The following NFIA variants were observed in gnomAD, a reference collection of about 807,000 sequenced individuals.
The protein encoded by NFIA is nuclear factor I A.
In NFIA, 8 loss-of-function variants were observed where a neutral mutation model predicts 62.8. The ratio of observed to expected loss-of-function variants is 0.13; its 90% confidence interval spans 0.07 to 0.23. The LOEUF (loss-of-function observed/expected upper bound fraction) is 0.23. NFIA is among the 10% of genes least tolerant of loss of function. The pLI is 1.00. For missense variants in NFIA, 410 were observed against 642.1 expected, an observed-to-expected ratio of 0.64 and a Z score of 3.91; for synonymous variants, 235 against 238.1, an observed-to-expected ratio of 0.99 and a Z score of 0.12.
At chr1:61,175,396 C>T (rs1211297966) in intron 2 of NFIA, among the ~76,000 whole-genome samples, 2 of 152,206 alleles carry the variant, frequency 1.3e-5, no homozygotes, top group African/African-American at 2.4e-5. Flanking sequence ...CCTGCCTTGG[C>T]TTCCCAAAGT....
At chr1:61,143,660 G>A (rs1647708763) in intron 2 of NFIA, among the ~76,000 whole-genome samples, 1 of 152,172 alleles carries the variant, frequency 6.6e-6, no homozygotes, top group African/African-American at 2.4e-5. Context: ...CAAAGTGCTA[G>A]GATTACAGGC....
At chr1:61,151,193 A>G (rs1265235057) in intron 2 of NFIA, among the ~76,000 whole-genome samples, 1 of 151,926 alleles carries the variant, frequency 6.6e-6, no homozygotes, top group Non-Finnish European at 1.5e-5. Flanking sequence ...GACATTTTGC[A>G]GTTTTTGTTG....
chr1:61,145,151 C>G, intron 2 of NFIA, among the ~76,000 whole-genome samples: 1 of 152,144 alleles, frequency 6.6e-6, no homozygotes, highest in East Asian at 1.9e-4. Flanking sequence ...CAGACCTCCA[C>G]CTATTTTGTG....
chr1:61,317,078 AAATT>A (rs1454949024), intron 3 of NFIA, among the ~76,000 whole-genome samples: 2 of 152,186 alleles, frequency 1.3e-5, no homozygotes, highest in Non-Finnish European at 2.9e-5. Context: ...TCAGATTTCT[AAATT>A]AAATAAATTA....
chr1:61,310,131 TAATC>T (rs1189749414), intron 3 of NFIA, among the ~76,000 whole-genome samples: 2 of 152,084 alleles, frequency 1.3e-5, no homozygotes, highest in East Asian at 3.9e-4. Flanking sequence ...GGTGAAATGT[TAATC>T]AATTCAATGT....
intron 6 of NFIA, among the ~76,000 whole-genome samples, chr1:61,365,730 A>C (rs1388732502): frequency 6.6e-6 from 1 of 152,218 alleles, no homozygotes; most frequent in Non-Finnish European, 1.5e-5. Flanking sequence ...AATTTCCTCA[A>C]GTGTCAGTCA....
chr1:61,167,238 A>G (rs1056512638), intron 2 of NFIA, among the ~76,000 whole-genome samples: 5 of 152,158 alleles, frequency 3.3e-5, no homozygotes, highest in African/African-American at 1.2e-4. Context: ...CAATATCTCA[A>G]TCTGTATGGC....
At chr1:61,309,619 A>G (rs971327387) in intron 3 of NFIA, among the ~76,000 whole-genome samples, 1 of 152,210 alleles carries the variant, frequency 6.6e-6, no homozygotes, top group African/African-American at 2.4e-5. Context: ...GGCCGGGCGC[A>G]GTGGCTAACG....
At chr1:61,325,328 T>G (rs1660875889) in intron 3 of NFIA, among the ~76,000 whole-genome samples, 1 of 152,246 alleles carries the variant, frequency 6.6e-6, no homozygotes, top group African/African-American at 2.4e-5. Flanking sequence ...CTGCAAGTCA[T>G]TTTTAAGATT....
At chr1:61,382,867 T>C (rs979925849) in intron 6 of NFIA, among the ~76,000 whole-genome samples, 1 of 152,126 alleles carries the variant, frequency 6.6e-6, no homozygotes, top group East Asian at 1.9e-4. Context: ...GATGAAACGA[T>C]TGCATGTGAA....
intron 6 of NFIA, among the ~76,000 whole-genome samples, chr1:61,375,871 A>AC (rs1219321176): frequency 6.6e-6 from 1 of 152,094 alleles, no homozygotes; most frequent in Non-Finnish European, 1.5e-5. Flanking sequence ...AGTTGACTAC[A>AC]CCATTTCCCC....
intron 6 of NFIA, among the ~76,000 whole-genome samples, chr1:61,363,622 A>G (rs1663423371): frequency 6.6e-6 from 1 of 150,998 alleles, no homozygotes. Flanking sequence ...AAAAATTATA[A>G]TAAGAAACAA....
At chr1:61,275,454 A>C (rs72911909) in intron 2 of NFIA, among the ~76,000 whole-genome samples, 1,976 of 152,314 alleles carry the variant, frequency 0.013, 44 homozygotes, top group African/African-American at 0.045. Context: ...TAAATATCGG[A>C]AAAGTAATTG....
chr1:61,083,512 A>G (rs1228498963), intron 1 of NFIA, among the ~76,000 whole-genome samples: 1 of 151,990 alleles, frequency 6.6e-6, no homozygotes, highest in Non-Finnish European at 1.5e-5. Context: ...GGCTGCGGCT[A>G]GCCCTCGGCT....
chr1:61,280,019 T>C (rs1329370248), intron 3 of NFIA, among the ~76,000 whole-genome samples: 2 of 152,248 alleles, frequency 1.3e-5, no homozygotes, highest in African/African-American at 4.8e-5. Context: ...CTTTCAGTTT[T>C]CTATTTGTTT....
chr1:61,082,092 A>G, upstream of NFIA: 1 of 1,514,680 alleles, frequency 6.6e-7, no homozygotes, highest in Non-Finnish European at 8.9e-7. Flanking sequence ...GGGACGAGGA[A>G]AAGTAGTTTT....
chr1:61,328,489 T>C (rs1661088168), intron 3 of NFIA, among the ~76,000 whole-genome samples: 1 of 152,034 alleles, frequency 6.6e-6, no homozygotes. Context: ...TGGCACGATC[T>C]CGGCTCACCA....
rs531173459 is a variant in NFIA, at chr1:61,430,394, A to C, written c.1512+3838A>C. Reference sequence around the variant, plus strand: ...AATAATAAAAATCACTTGTAGTCCTACTGTTAACATTTCTGTATAAATCCA... The same window carrying C: ...AATAATAAAAATCACTTGTAGTCCTCCTGTTAACATTTCTGTATAAATCCA... On this transcript the variant is annotated intron_variant, in intron 10 of 10. Transcript: ENST00000403491. Among the ~76,000 whole-genome samples, 5 of 152,312 alleles carry C rather than the reference A, an allele frequency of 3.3e-5. No individual in the cohort carries two copies. In the South Asian group the frequency reaches 1.0e-3, roughly 32 times the overall value.
At chr1:61,126,941 C>T (rs987330997) in intron 2 of NFIA, among the ~76,000 whole-genome samples, 9 of 151,146 alleles carry the variant, frequency 6.0e-5, no homozygotes, top group Non-Finnish European at 1.3e-4. Context: ...TGTACCACCA[C>T]GTCCGACTGT....
Sources: allele counts gnomAD v4.1 joint callset (sites outside exome capture counted in the v4.1 genomes callset), GRCh38; gene constraint gnomAD v4.1.1; transcripts MANE v1.5; gene names NCBI Gene and HGNC (gene_info 2026-07-23, HGNC 2026-07-21).